The following FSHR variants were observed in gnomAD, a reference collection of about 807,000 sequenced individuals.
The protein encoded by FSHR is follicle stimulating hormone receptor.
A neutral mutation model predicts 52.1 loss-of-function variants in FSHR; 46 were observed. The observed-to-expected ratio is 0.88, with a 90% CI of 0.70 to 1.13. The LOEUF (loss-of-function observed/expected upper bound fraction) is 1.13. Among genes scored for constraint, FSHR ranks in the 50% most tolerant of loss-of-function variants. The probability of loss-of-function intolerance (pLI) is 0.00; values close to 1 mark genes in which losing one functional copy is unlikely to be tolerated. For missense variants in FSHR, 964 were observed against 834.6 expected, an observed-to-expected ratio of 1.16 and a Z score of -1.91; for synonymous variants, 399 against 309.6, an observed-to-expected ratio of 1.29 and a Z score of -3.03.
At chr2:49,053,926 A>G (rs901982918) in intron 2 of FSHR, among the ~76,000 whole-genome samples, 3 of 152,288 alleles carry the variant, frequency 2.0e-5, no homozygotes, top group African/African-American at 7.2e-5. Context: ...CTTAGTATTA[A>G]CATTTTCCAG....
chr2:48,984,059 A>G lies in FSHR; in HGVS notation c.525-893T>C, dbSNP rs181654385. The stretch of plus-strand genomic sequence containing the variant: ...TGCTGTCAGGTTCTTTTCCCTGTCC[A>G]GCTTAGTGGGCTTGCAAATAACACT... On this transcript the variant is annotated intron_variant, in intron 6 of 9. Coordinates refer to ENST00000406846, the MANE Select transcript of FSHR (RefSeq NM_000145.4). Among the ~76,000 whole-genome samples, 4 of 152,278 alleles carry G rather than the reference A, an allele frequency of 2.6e-5. No homozygotes were observed. In the East Asian group the frequency reaches 7.7e-4, roughly 29 times the overall value.
intron 4 of FSHR, among the ~76,000 whole-genome samples, chr2:48,991,811 C>A (rs562513487): frequency 8.5e-5 from 13 of 152,246 alleles, no homozygotes; most frequent in South Asian, 2.1e-4. Flanking sequence ...ACTCCCATTC[C>A]CTTTTCTGTA....
intron 1 of FSHR, among the ~76,000 whole-genome samples, chr2:49,115,797 A>C (rs1671576862): frequency 6.6e-6 from 1 of 152,116 alleles, no homozygotes; most frequent in African/African-American, 2.4e-5. Context: ...AAAGTGCTGG[A>C]GCTAAAATGA....
intron 1 of FSHR, among the ~76,000 whole-genome samples, chr2:49,127,864 TC>T (rs1672107669): frequency 5.1e-4 from 21 of 41,242 alleles, no homozygotes; most frequent in Admixed American, 1.1e-3. Context: ...TTCTTCTTCT[TC>T]TTCTTCTTCT....
chr2:49,101,888 T>C (rs1671040214), intron 1 of FSHR, among the ~76,000 whole-genome samples: 1 of 152,118 alleles, frequency 6.6e-6, no homozygotes, highest in African/African-American at 2.4e-5. Flanking sequence ...GGGTATTATA[T>C]GGCAATAGGA....
intron 4 of FSHR, among the ~76,000 whole-genome samples, chr2:48,997,486 G>T (rs1676074232): frequency 6.6e-6 from 1 of 151,602 alleles, no homozygotes; most frequent in African/African-American, 2.4e-5. Flanking sequence ...TTTGAGCAGG[G>T]CATGTAGCAT....
chr2:49,152,086 G>A (rs1164677691), intron 1 of FSHR, among the ~76,000 whole-genome samples: 1 of 152,040 alleles, frequency 6.6e-6, no homozygotes, highest in Non-Finnish European at 1.5e-5. Flanking sequence ...CTTAAGACTG[G>A]GTATTTGAGA....
chr2:49,021,583 G>A (rs1667700974), intron 2 of FSHR, among the ~76,000 whole-genome samples: 2 of 151,696 alleles, frequency 1.3e-5, no homozygotes, highest in Admixed American at 1.3e-4. Flanking sequence ...GAGGGGAAGT[G>A]TGACTGTGAG....
intron 4 of FSHR, among the ~76,000 whole-genome samples, chr2:49,010,671 G>T (rs1573088424): frequency 6.6e-6 from 1 of 151,218 alleles, no homozygotes; most frequent in South Asian, 2.1e-4. Context: ...ACTCTTTTTG[G>T]TTGGTAAGCT....
Position 49,068,226 on chromosome 2 carries a change from C to A in FSHR, c.217G>T (p.Glu73Ter), listed in dbSNP as rs773462398. Reference sequence around the variant, plus strand: ...GCAGTGCTAGGTACATACATTTTCTCCAGGTCCCCAAATCCTGAAAATGCA... The same window carrying A: ...GCAGTGCTAGGTACATACATTTTCTACAGGTCCCCAAATCCTGAAAATGCA... ...KGAFSGFGDL[E>*]KIEISQNDVL... is the part of the protein sequence containing the mutation. The change falls in exon 2 of 10, where the codon GAG becomes TAG. Residue 73 changes from glutamate (E) to a stop codon, truncating the protein, a stop_gained. Coordinates refer to ENST00000406846, the MANE Select transcript of FSHR (RefSeq NM_000145.4). LOFTEE classifies it high-confidence loss of function. 6.2e-7 allele frequency: 1 copy of A among 1,610,246 alleles called. No homozygotes were observed. Among genetic ancestry groups the A allele is most frequent in the Admixed American group, 1.7e-5 (1 of 59,578 alleles).
chr2:49,097,037 C>A (rs1022554006), intron 1 of FSHR, among the ~76,000 whole-genome samples: 2 of 152,188 alleles, frequency 1.3e-5, no homozygotes, highest in Non-Finnish European at 2.9e-5. Flanking sequence ...AATTAAATCT[C>A]TTTTCTTTAT....
intron 1 of FSHR, among the ~76,000 whole-genome samples, chr2:49,127,189 G>A (rs569868648): frequency 6.6e-5 from 10 of 151,790 alleles, no homozygotes; most frequent in African/African-American, 1.9e-4. Flanking sequence ...TTAGCTGGGC[G>A]TGGTGGTGTG....
At chr2:49,084,521 CA>C (rs1208371704) in intron 1 of FSHR, among the ~76,000 whole-genome samples, 7 of 151,830 alleles carry the variant, frequency 4.6e-5, no homozygotes, top group Non-Finnish European at 4.4e-5. Flanking sequence ...GAAATAGAGA[CA>C]AAAAAACCTT....
intron 4 of FSHR, among the ~76,000 whole-genome samples, chr2:49,003,378 T>G (rs578234862): frequency 6.6e-6 from 1 of 152,220 alleles, no homozygotes; most frequent in African/African-American, 2.4e-5. Flanking sequence ...GTCAGTGGAA[T>G]CTAGTGGGGA....
chr2:49,111,555 G>A (rs1316307872), intron 1 of FSHR, among the ~76,000 whole-genome samples: 1 of 152,128 alleles, frequency 6.6e-6, no homozygotes, highest in African/African-American at 2.4e-5. Flanking sequence ...AAAAGAAGGT[G>A]AAAAATATAC....
intron 4 of FSHR, 149 bp downstream of exon 4, chr2:49,017,340 C>T (rs1203512694): frequency 1.6e-6 from 1 of 621,102 alleles, no homozygotes; most frequent in African/African-American, 1.9e-5. Flanking sequence ...TAAAATCCAT[C>T]ACCAAGTATC....
intron 1 of FSHR, among the ~76,000 whole-genome samples, chr2:49,072,886 G>A (rs373874774): frequency 2.6e-5 from 4 of 152,100 alleles, no homozygotes; most frequent in African/African-American, 9.7e-5. Context: ...ACTTAACATT[G>A]TAAACTCTGC....
At chr2:49,008,360 C>T (rs954753849) in intron 4 of FSHR, among the ~76,000 whole-genome samples, 1 of 147,282 alleles carries the variant, frequency 6.8e-6, no homozygotes, top group Non-Finnish European at 1.5e-5. Flanking sequence ...ATGAACTCAT[C>T]ATTTTTTATG....
intron 1 of FSHR, among the ~76,000 whole-genome samples, chr2:49,112,816 A>G (rs1671468073): frequency 6.6e-6 from 1 of 152,178 alleles, no homozygotes; most frequent in South Asian, 2.1e-4. Context: ...AGTTGCACCA[A>G]GATATTTTTA....
Sources: gnomAD v4.1 joint callset for allele counts (sites outside exome capture counted in the v4.1 genomes callset) on GRCh38, gnomAD v4.1.1 for gene constraint, MANE v1.5 for transcripts, NCBI Gene and HGNC (gene_info 2026-07-23, HGNC 2026-07-21) for gene names.